The following NYAP2 variants were observed in gnomAD, a reference collection of about 807,000 sequenced individuals.
The protein encoded by NYAP2 is neuronal tyrosine-phosphorylated phosphoinositide-3-kinase adaptor 2.
A neutral mutation model predicts 50.4 loss-of-function variants in NYAP2; 23 were observed. That is an observed-to-expected ratio of 0.46 (90% confidence interval 0.33 to 0.65). NYAP2 has a LOEUF of 0.65. NYAP2 is among the 30% of genes least tolerant of loss of function. The probability of loss-of-function intolerance (pLI) is 0.02; values close to 1 mark genes in which losing one functional copy is unlikely to be tolerated. For missense variants in NYAP2, 885 were observed against 861.0 expected (o/e 1.03, Z -0.35); for synonymous variants, 394 against 365.2 (o/e 1.08, Z -0.90).
intron 4 of NYAP2, among the ~76,000 whole-genome samples, chr2:225,556,763 C>T (rs757928714): frequency 8.5e-5 from 13 of 152,120 alleles, no homozygotes; most frequent in Non-Finnish European, 1.8e-4. Context: ...GGATTTTTAA[C>T]CATTTTCTGC....
At chr2:225,525,403 G>A (rs752547831) in intron 4 of NYAP2, among the ~76,000 whole-genome samples, 36 of 152,272 alleles carry the variant, frequency 2.4e-4, no homozygotes, top group Middle Eastern at 6.8e-3. Context: ...TAAAGAAAAT[G>A]CAGCATACAC....
intron 4 of NYAP2, among the ~76,000 whole-genome samples, chr2:225,561,489 C>A (rs1159401607): frequency 6.6e-6 from 1 of 152,006 alleles, no homozygotes; most frequent in South Asian, 2.1e-4. Flanking sequence ...ATTCCATGTG[C>A]CTCATATTTT....
At chr2:225,555,953 T>A (rs1691769759) in intron 4 of NYAP2, among the ~76,000 whole-genome samples, 1 of 152,182 alleles carries the variant, frequency 6.6e-6, no homozygotes, top group Non-Finnish European at 1.5e-5. Context: ...CCATCAGTTC[T>A]TACCCTGCTC....
intron 4 of NYAP2, among the ~76,000 whole-genome samples, chr2:225,534,082 C>A (rs931591919): frequency 6.6e-6 from 1 of 151,848 alleles, no homozygotes; most frequent in Non-Finnish European, 1.5e-5. Flanking sequence ...AAAAAACAAC[C>A]GAATAAGGAT....
At chr2:225,521,469 A>C (rs1416103619) in intron 4 of NYAP2, among the ~76,000 whole-genome samples, 4 of 151,960 alleles carry the variant, frequency 2.6e-5, no homozygotes, top group Non-Finnish European at 5.9e-5. Context: ...ATTTATTGAG[A>C]GTTTTTAGCA....
At chr2:225,584,150 C>A (rs115977241) in intron 5 of NYAP2, among the ~76,000 whole-genome samples, 2,686 of 152,262 alleles carry the variant, frequency 0.018, 84 homozygotes, top group African/African-American at 0.061. Flanking sequence ...CTTTGACATA[C>A]AAAATGATTC....
intron 4 of NYAP2, among the ~76,000 whole-genome samples, chr2:225,558,853 A>T (rs1691820136): frequency 6.6e-6 from 1 of 152,156 alleles, no homozygotes. Context: ...AAGGGCAAGA[A>T]GAACACTCAT....
chr2:225,429,001 A>G (rs1309063731), intron 3 of NYAP2, among the ~76,000 whole-genome samples: 2 of 152,230 alleles, frequency 1.3e-5, no homozygotes, highest in Non-Finnish European at 2.9e-5. Flanking sequence ...TAATATTTCC[A>G]TGAGGCAGGT....
chr2:225,399,504 T>C (rs937199176), upstream of NYAP2, among the ~76,000 whole-genome samples: 1 of 152,024 alleles, frequency 6.6e-6, no homozygotes, highest in Admixed American at 6.6e-5. Context: ...GACATACATA[T>C]CATAATTATT....
At chr2:225,564,044 AAAC>A (rs1691919463) in intron 4 of NYAP2, among the ~76,000 whole-genome samples, 1 of 152,140 alleles carries the variant, frequency 6.6e-6, no homozygotes, top group African/African-American at 2.4e-5. Context: ...ATTATAAAGA[AAAC>A]AAACTTAGAT....
chr2:225,599,331 A>G (rs2106240645), intron 5 of NYAP2, among the ~76,000 whole-genome samples: 1 of 152,338 alleles, frequency 6.6e-6, no homozygotes, highest in South Asian at 2.1e-4. Context: ...ATTCACCAGA[A>G]TATGATCTTC....
At chr2:225,441,035 A>G (rs548471921) in intron 3 of NYAP2, among the ~76,000 whole-genome samples, 1 of 152,270 alleles carries the variant, frequency 6.6e-6, no homozygotes, top group Admixed American at 6.5e-5. Context: ...CCATCTAACC[A>G]TAACTCTTTT....
At chr2:225,662,321 C>T in the NYAP2 span, among the ~76,000 whole-genome samples, 2 of 152,262 alleles carry the variant, frequency 1.3e-5, no homozygotes, top group African/African-American at 2.4e-5. Flanking sequence ...TGTGCATGTG[C>T]ACAAGTGTCT....
the NYAP2 span, among the ~76,000 whole-genome samples, chr2:225,659,958 C>T: frequency 1.3e-5 from 2 of 152,152 alleles, no homozygotes; most frequent in African/African-American, 4.8e-5. Flanking sequence ...AATGATTGGT[C>T]CACCCCACTA....
At chr2:225,635,651 A>T (rs1364400812) in intron 6 of NYAP2, among the ~76,000 whole-genome samples, 1 of 152,226 alleles carries the variant, frequency 6.6e-6, no homozygotes, top group East Asian at 1.9e-4. Context: ...TAGTGCGACA[A>T]TGTATGCTTC....
intron 3 of NYAP2, among the ~76,000 whole-genome samples, chr2:225,472,247 T>C (rs1690023708): frequency 6.6e-6 from 1 of 152,212 alleles, no homozygotes; most frequent in African/African-American, 2.4e-5. Flanking sequence ...TGTCTACTCA[T>C]TTGTTCAGGC....
chr2:225,627,899 C>T (rs10432453), intron 6 of NYAP2, among the ~76,000 whole-genome samples: 81,711 of 151,990 alleles, frequency 0.54, 22,309 homozygotes, highest in South Asian at 0.67. Context: ...GTTTCTATTT[C>T]TTAAGAGTGT....
chr2:225,519,495 C>G (rs1421501401), intron 4 of NYAP2, among the ~76,000 whole-genome samples: 7 of 145,566 alleles, frequency 4.8e-5, no homozygotes, highest in Admixed American at 1.4e-4. Flanking sequence ...TTGTTCAGTT[C>G]CCACCTATGA....
At chr2:225,404,064 C>T (rs930736482) in intron 2 of NYAP2, among the ~76,000 whole-genome samples, 8 of 151,918 alleles carry the variant, frequency 5.3e-5, no homozygotes, top group Admixed American at 4.6e-4. Context: ...CCCTCTATAC[C>T]TTGGGGAACT....
Sources: gnomAD v4.1 joint callset for allele counts (sites outside exome capture counted in the v4.1 genomes callset) on GRCh38, gnomAD v4.1.1 for gene constraint, MANE v1.5 for transcripts, NCBI Gene and HGNC (gene_info 2026-07-23, HGNC 2026-07-21) for gene names.